Variants in ARHGEF4 observed in about 807,000 individuals in gnomAD.
ARHGEF4 encodes Rho guanine nucleotide exchange factor 4, also known as APC-stimulated guanine nucleotide exchange factor 1.
A neutral mutation model predicts 162.0 loss-of-function variants in ARHGEF4; 119 were observed. The ratio of observed to expected loss-of-function variants is 0.73; its 90% CI spans 0.63 to 0.86. ARHGEF4 has a LOEUF of 0.86. Ranked by LOEUF, ARHGEF4 falls within the 40% of genes least tolerant of loss-of-function variation. ARHGEF4 has a pLI of 0.00. For missense variants in ARHGEF4, 2,488 were observed against 2,456.0 expected, an observed-to-expected ratio of 1.01 and a Z score of -0.28; for synonymous variants, 1,014 against 979.9, an observed-to-expected ratio of 1.03 and a Z score of -0.65.
intron 3 of ARHGEF4, among the ~76,000 whole-genome samples, chr2:130,940,585 A>G (rs1683227913): frequency 6.6e-6 from 1 of 151,482 alleles, no homozygotes; most frequent in Non-Finnish European, 1.5e-5. Context: ...TCACGCTTGT[A>G]ATCCCAGCAC....
intron 1 of ARHGEF4, among the ~76,000 whole-genome samples, chr2:130,897,816 C>T (rs952683837): frequency 1.3e-5 from 2 of 152,018 alleles, no homozygotes; most frequent in African/African-American, 4.8e-5. Flanking sequence ...TTCTAAAATA[C>T]CATGTTGCTA....
At chr2:130,982,599 CCCTCCTCCTCCTCCTTTCTTCTTTT>C (rs1686198066) in intron 4 of ARHGEF4, among the ~76,000 whole-genome samples, 1 of 96,824 alleles carries the variant, frequency 1.0e-5, no homozygotes, top group South Asian at 3.5e-4. Flanking sequence ...CTCCTCCTTT[CCCTCCTCCTCCTCCTTTCTTCTTTT>C]CTTTCTTACC....
intron 1 of ARHGEF4, among the ~76,000 whole-genome samples, chr2:130,903,592 G>A (rs562316663): frequency 1.3e-5 from 2 of 152,218 alleles, no homozygotes; most frequent in South Asian, 4.1e-4. Context: ...TACATGTACA[G>A]GTTGGTTACA....
chr2:131,030,561 C>T (rs985831561), intron 5 of ARHGEF4, among the ~76,000 whole-genome samples: 1 of 152,212 alleles, frequency 6.6e-6, no homozygotes, highest in Non-Finnish European at 1.5e-5. Flanking sequence ...AGAGGGAGCC[C>T]GTCTCCTGCG....
intron 4 of ARHGEF4, among the ~76,000 whole-genome samples, chr2:130,971,544 G>A (rs1685369222): frequency 6.6e-6 from 1 of 151,320 alleles, no homozygotes; most frequent in African/African-American, 2.4e-5. Context: ...TGTAATCCCA[G>A]CTACTCAGGA....
chr2:130,910,633 G>T (rs542386589), intron 1 of ARHGEF4, among the ~76,000 whole-genome samples: 1 of 152,298 alleles, frequency 6.6e-6, no homozygotes, highest in East Asian at 1.9e-4. Flanking sequence ...AGTCAACAAG[G>T]CTGATCTAAT....
intron 4 of ARHGEF4, among the ~76,000 whole-genome samples, chr2:130,998,851 A>G (rs1037079539): frequency 3.3e-5 from 5 of 152,226 alleles, no homozygotes; most frequent in Non-Finnish European, 5.9e-5. Flanking sequence ...TTGCTGGATC[A>G]TATGGTAAGA....
intron 1 of ARHGEF4, among the ~76,000 whole-genome samples, chr2:130,903,460 A>T (rs902072290): frequency 5.3e-5 from 8 of 152,046 alleles, no homozygotes; most frequent in South Asian, 2.1e-4. Context: ...GGGTTTCACC[A>T]TGTTGGCCAT....
chr2:130,953,301 T>C (rs1164106012), intron 4 of ARHGEF4, among the ~76,000 whole-genome samples: 2 of 152,122 alleles, frequency 1.3e-5, no homozygotes, highest in Non-Finnish European at 2.9e-5. Flanking sequence ...AAACAAGAAA[T>C]GGGGAAAGGA....
chr2:130,943,195 G>A (rs12998826), intron 3 of ARHGEF4, among the ~76,000 whole-genome samples: 11,196 of 152,114 alleles, frequency 0.074, 525 homozygotes, highest in Non-Finnish European at 0.11. Flanking sequence ...CTCTTATGAT[G>A]TTATGTTCTT....
At chr2:130,928,979 T>A (rs539305719) in intron 2 of ARHGEF4, among the ~76,000 whole-genome samples, 2 of 152,320 alleles carry the variant, frequency 1.3e-5, no homozygotes, top group East Asian at 3.9e-4. Flanking sequence ...GAGGGCATTT[T>A]AGACACAAAT....
chr2:130,965,725 A>G (rs1684960769), intron 4 of ARHGEF4, among the ~76,000 whole-genome samples: 1 of 152,214 alleles, frequency 6.6e-6, no homozygotes, highest in African/African-American at 2.4e-5. Context: ...CCAGTGAGAC[A>G]GATGGAAATG....
intron 4 of ARHGEF4, among the ~76,000 whole-genome samples, chr2:130,972,359 A>G (rs1234870161): frequency 6.6e-6 from 1 of 152,236 alleles, no homozygotes. Context: ...GGAGATCCTT[A>G]TATTCCAGAA....
intron 2 of ARHGEF4, among the ~76,000 whole-genome samples, chr2:130,923,639 T>A (rs1393941180): frequency 1.3e-5 from 2 of 152,136 alleles, no homozygotes; most frequent in South Asian, 4.1e-4. Flanking sequence ...AATAAATTAG[T>A]GAGCGAGTAA....
chr2:130,945,201 C>A (rs758298954), intron 3 of ARHGEF4, among the ~76,000 whole-genome samples: 2 of 152,086 alleles, frequency 1.3e-5, no homozygotes, highest in Non-Finnish European at 2.9e-5. Flanking sequence ...TCTTGGCATT[C>A]TCCCAGGCAC....
chr2:130,964,224 G>A, intron 4 of ARHGEF4: 7 of 985,552 alleles, frequency 7.1e-6, no homozygotes, highest in Non-Finnish European at 8.4e-6. Flanking sequence ...CCTGGAGCCT[G>A]GAGAGCCTGC....
intron 1 of ARHGEF4, among the ~76,000 whole-genome samples, chr2:130,854,878 AT>A (rs1559002570): frequency 8.3e-6 from 1 of 120,934 alleles, no homozygotes; most frequent in African/African-American, 3.6e-5. Flanking sequence ...TTATTTATTT[AT>A]TTATTTATTT....
intron 1 of ARHGEF4, among the ~76,000 whole-genome samples, chr2:130,843,004 C>T (rs905713095): frequency 4.6e-5 from 7 of 152,116 alleles, no homozygotes; most frequent in Admixed American, 6.5e-5. Context: ...CTCTTGTAGG[C>T]GGTGAGGTCT....
In ARHGEF4 at chr2:131,041,280, C is replaced by A; in HGVS notation, c.4713C>A (p.Ala1571=). 6.2e-7 allele frequency: 1 copy of A among 1,613,934 alleles called. No individual in the cohort carries two copies. The highest frequency in any genetic ancestry group is 8.5e-7 in the Non-Finnish European group (1 of 1,180,034). Residue 1571 remains alanine, a synonymous_variant, in exon 9 of 14, where the codon GCC becomes GCA. Coordinates refer to ENST00000409359, the MANE Select transcript of ARHGEF4 (RefSeq NM_001367493.1). The part of the protein sequence containing the change: ...YSEYCNNHPN[A]CVELSRLTKL... Reference sequence around the variant, plus strand: ...AGTACTGCAATAACCACCCCAACGCCTGCGTGGAGCTCTCCCGGCTCACCA... The same window carrying A: ...AGTACTGCAATAACCACCCCAACGCATGCGTGGAGCTCTCCCGGCTCACCA...
Sources: gnomAD v4.1 joint callset for allele counts (sites outside exome capture counted in the v4.1 genomes callset) on GRCh38, gnomAD v4.1.1 for gene constraint, MANE v1.5 for transcripts, NCBI Gene and HGNC (gene_info 2026-07-23, HGNC 2026-07-21) for gene names.